GTPBP8: variants seen among roughly 807,000 people sequenced by gnomAD.
The protein encoded by GTPBP8 is GTP binding protein 8.
Under a neutral mutation model 27.3 loss-of-function variants are expected in GTPBP8, and 21 were observed. That is an observed-to-expected ratio of 0.77 (90% CI 0.55 to 1.11). The LOEUF (loss-of-function observed/expected upper bound fraction) is 1.11. Among genes scored for constraint, GTPBP8 ranks in the 50% least tolerant of loss-of-function variants. The pLI is 0.00. For missense variants in GTPBP8, 380 were observed against 350.8 expected, an observed-to-expected ratio of 1.08 and a Z score of -0.67; for synonymous variants, 147 against 135.3, an observed-to-expected ratio of 1.09 and a Z score of -0.60.
chr3:112,993,475 C>A (rs1192411880), intron 2 of GTPBP8, among the ~76,000 whole-genome samples: 1 of 152,116 alleles, frequency 6.6e-6, no homozygotes, highest in Non-Finnish European at 1.5e-5. Context: ...GTTTTTCTTG[C>A]TTTTTTCCTC....
At position 112,991,308 on chromosome 3, in the gene GTPBP8, C is replaced by G. The variant is rs764568051; in HGVS notation, c.309C>G (p.Asp103Glu). ...ACGTCAGCTCCGCCGTCCGTATCGA[C>G]CACGCCCCGGACCTTCCGCGGCCAG... ...IDYVSSAVRIDHAPDLPRPEV... is the reference protein window; with the variant it reads ...IDYVSSAVRIEHAPDLPRPEV... The change falls in exon 1 of 6, where the codon GAC becomes GAG. Residue 103 changes from aspartate (D) to glutamate (E), a missense_variant. By Grantham distance (45) the Asp-to-Glu change is conservative. Coordinates refer to ENST00000383678, the MANE Select transcript of GTPBP8 (RefSeq NM_014170.4). The G allele has an allele frequency of 8.2e-5, 132 of 1,613,710 alleles. No homozygotes were observed. The East Asian group carries it at 2.9e-3, about 35-fold the overall frequency.
In GTPBP8 at chr3:112,993,035, A is replaced by T. The variant is rs748575277; in HGVS notation, c.346A>T (p.Ile116Leu). The T allele has an allele frequency of 6.3e-7, 1 of 1,597,538 alleles. No homozygotes were observed. The highest frequency in any genetic ancestry group is 8.6e-7 in the Non-Finnish European group (1 of 1,165,344). Reference sequence around the variant, plus strand: ...TTTTTTCTTGTATAAGGTGTGTTTTATAGGCAGAAGCAATGTTGGAAAATC... The same window carrying T: ...TTTTTTCTTGTATAAGGTGTGTTTTTTAGGCAGAAGCAATGTTGGAAAATC... ...PDLPRPEVCF[I>L]GRSNVGKSSL... Residue 116 changes from isoleucine (I) to leucine (L), a missense_variant, in exon 2 of 6, where the codon ATA (isoleucine) becomes TTA (leucine). By Grantham distance (5) the Ile-to-Leu change is conservative (BLOSUM62 2). Coordinates refer to ENST00000383678, the MANE Select transcript of GTPBP8 (RefSeq NM_014170.4).
intron 5 of GTPBP8, 56 bp downstream of exon 5, chr3:112,999,620 G>C: frequency 1.4e-6 from 1 of 730,588 alleles, no homozygotes. Context: ...TGAGAATGTT[G>C]TGGGTTTTTT....
At chr3:112,998,029 C>G (rs917956184) in intron 4 of GTPBP8, among the ~76,000 whole-genome samples, 3 of 152,202 alleles carry the variant, frequency 2.0e-5, no homozygotes, top group Non-Finnish European at 2.9e-5. Flanking sequence ...TGAGGAAAGA[C>G]TCCCATTTGC....
Position 112,991,251 on chromosome 3 carries a change from C to G in GTPBP8, c.252C>G (p.Ile84Met), listed in dbSNP as rs1397900316. 5 of 1,614,082 alleles carry G rather than the reference C, an allele frequency of 3.1e-6. No homozygotes were observed. The highest frequency in any genetic ancestry group is 4.2e-6 in the Non-Finnish European group (5 of 1,180,044). ...SPEDIARADN[I>M]FTATERNRID... is the part of the protein sequence containing the mutation. ...AGGACATAGCCAGGGCGGACAACATCTTCACGGCCACTGAACGGAACCGCA... is the reference window on the plus strand; with the variant it reads ...AGGACATAGCCAGGGCGGACAACATGTTCACGGCCACTGAACGGAACCGCA... Residue 84 changes from isoleucine (I) to methionine (M), a missense_variant, in exon 1 of 6, where the codon ATC becomes ATG. Physicochemically the swap from Ile to Met is conservative, Grantham distance 10. Coordinates refer to ENST00000383678, the MANE Select transcript of GTPBP8 (RefSeq NM_014170.4).
chr3:112,996,868 ATCT>A (rs781319333), intron 3 of GTPBP8, 21 bp from the exon 4 acceptor site: 13 of 1,032,582 alleles, frequency 1.3e-5, no homozygotes, highest in African/African-American at 3.1e-5. Context: ...ATTGCCATTA[ATCT>A]TCTTTTCTAC....
chr3:112,999,764 C>T (rs930074930), intron 5 of GTPBP8, among the ~76,000 whole-genome samples, 200 bp downstream of exon 5: 1 of 151,890 alleles, frequency 6.6e-6, no homozygotes, highest in Non-Finnish European at 1.5e-5. Flanking sequence ...TTTTTTCGCT[C>T]ACCCCTCCCA....
rs1359320236 is a variant in GTPBP8 at position 113,001,489 on chromosome 3, T to C, written c.*570T>C. 8 of 152,260 alleles carry C rather than the reference T, an allele frequency of 5.3e-5. No individual in the cohort carries two copies. Among genetic ancestry groups the C allele is most frequent in the Admixed American group, 5.2e-4 (8 of 15,288 alleles). The allele number at this position is 152,260 out of a possible 1,614,324, so 9.4% of individuals were successfully genotyped here. A position where few individuals can be genotyped will look rare whatever the true frequency, so the allele number is the denominator to read the frequency against. ...TTCTAGTTCTGATGTTTATTATATA[T>C]GTTGGATCTTGGGCAACTTACTTGA... On this transcript the variant is annotated 3_prime_UTR_variant, in exon 6 of 6. Transcript: ENST00000383678.
chr3:112,995,753 T>A (rs1576167078), intron 3 of GTPBP8, among the ~76,000 whole-genome samples: 1 of 152,242 alleles, frequency 6.6e-6, no homozygotes, highest in South Asian at 2.1e-4. Context: ...GCCAGGCTGG[T>A]CTCGAACTCC....
chr3:113,000,860 T>G lies in GTPBP8; in HGVS notation c.796T>G (p.Phe266Val). ...CTTTTCTTTTCACAGTGCTGTGACCTTTTCTGGAATCCACCTGTTGAGATG... is the reference window on the plus strand; with the variant it reads ...CTTTTCTTTTCACAGTGCTGTGACCGTTTCTGGAATCCACCTGTTGAGATG... ...PQLFPVSAVT[F>V]SGIHLLRCFI... Residue 266 changes from phenylalanine to valine, a missense_variant, in exon 6 of 6, where the codon TTT (phenylalanine) becomes GTT (valine). Physicochemically the swap from Phe to Val is conservative, Grantham distance 50. Coordinates refer to ENST00000383678, the MANE Select transcript of GTPBP8 (RefSeq NM_014170.4). 1.3e-6 allele frequency: 2 copies of G among 1,594,462 alleles called. No homozygotes were observed. Among genetic ancestry groups the G allele is most frequent in the Non-Finnish European group, 1.7e-6 (2 of 1,163,432 alleles).
At chr3:112,992,378 G>A (rs1335506358) in intron 1 of GTPBP8, 1 of 152,158 alleles carries the variant, frequency 6.6e-6, no homozygotes, top group Non-Finnish European at 1.5e-5. Context: ...GGGGCAGTAC[G>A]GCCGTCATTT....
At chr3:112,992,084 T>C (rs913263931) in intron 1 of GTPBP8, 1 of 152,240 alleles carries the variant, frequency 6.6e-6, no homozygotes, top group African/African-American at 2.4e-5. Context: ...ATTCAAAGAG[T>C]ACCTCAATTA....
chr3:112,991,020 G>C lies in GTPBP8; in HGVS notation c.21G>C (p.Arg7=). The C allele has an allele frequency of 6.3e-7, 1 of 1,596,598 alleles. No homozygotes were observed. Among genetic ancestry groups the C allele is most frequent in the East Asian group, 2.3e-5 (1 of 44,434 alleles). The part of the protein sequence containing the change: MAAPGL[R]LGAGRLFEMP... ...GGAGAATGGCGGCGCCCGGGCTGCG[G>C]CTGGGAGCGGGAAGACTCTTTGAAA... The change falls in exon 1 of 6, where the codon CGG becomes CGC. Residue 7 remains arginine (R), a synonymous_variant. Coordinates refer to ENST00000383678, the MANE Select transcript of GTPBP8 (RefSeq NM_014170.4).
intron 1 of GTPBP8, chr3:112,992,524 G>A (rs1488189): frequency 0.58 from 88,740 of 152,838 alleles, 29,419 homozygotes; most frequent in Non-Finnish European, 0.75. Flanking sequence ...TGGAACAAGA[G>A]AGGTCAAGGG....
At chr3:112,992,810 T>C (rs1933709199) in intron 1 of GTPBP8, among the ~76,000 whole-genome samples, 1 of 152,220 alleles carries the variant, frequency 6.6e-6, no homozygotes, top group Non-Finnish European at 1.5e-5. Context: ...TTGGGTTAGT[T>C]GTGTTCTCTC....
In GTPBP8 at chr3:112,991,192, G is replaced by T; in HGVS notation, c.193G>T (p.Asp65Tyr). ...ERFLAPYGRQ[D>Y]LHLRIFDPSP... ...GTTCCTCGCCCCCTACGGGAGGCAA[G>T]ACCTTCACCTGCGTATCTTTGACCC... is the stretch of plus-strand genomic sequence containing the variant. Residue 65 changes from aspartate to tyrosine, a missense_variant, in exon 1 of 6, where the codon GAC becomes TAC. Physicochemically the swap from Asp to Tyr is radical, Grantham distance 160. Transcript: ENST00000383678. The T allele has an allele frequency of 6.2e-7, 1 of 1,614,190 alleles. No homozygotes were observed. Among genetic ancestry groups the T allele is most frequent in the Non-Finnish European group, 8.5e-7 (1 of 1,180,028 alleles).
chr3:112,996,435 C>T (rs939139528), intron 3 of GTPBP8, among the ~76,000 whole-genome samples: 11 of 152,046 alleles, frequency 7.2e-5, no homozygotes, highest in African/African-American at 2.7e-4. Context: ...CTGCATTCTA[C>T]CCTGGGCAAC....
In GTPBP8 at chr3:112,993,078, T is replaced by C. The variant is rs775278797; in HGVS notation, c.389T>C (p.Leu130Ser). ...NVGKSSLIKA[L>S]FSLAPEVEVR... Reference sequence around the variant, plus strand: ...GGAAAATCATCTCTAATCAAGGCTTTATTTTCACTGGCCCCTGAGGTTGAA... The same window carrying C: ...GGAAAATCATCTCTAATCAAGGCTTCATTTTCACTGGCCCCTGAGGTTGAA... Residue 130 changes from leucine to serine, a missense_variant, in exon 2 of 6, where the codon TTA (leucine) becomes TCA (serine). Coordinates refer to ENST00000383678, the MANE Select transcript of GTPBP8 (RefSeq NM_014170.4). 1.2e-5 allele frequency: 19 copies of C among 1,611,440 alleles called. No individual in the cohort carries two copies. Among genetic ancestry groups the C allele is most frequent in the African/African-American group, 2.7e-5 (2 of 74,862 alleles).
Position 112,996,904 on chromosome 3 carries a change from AT to A in GTPBP8, c.584del (p.Leu195TyrfsTer2). 2 of 1,516,800 alleles carry A rather than the reference AT, an allele frequency of 1.3e-6. No individual in the cohort carries two copies. Among genetic ancestry groups the A allele is most frequent in the Non-Finnish European group, 1.8e-6 (2 of 1,092,558 alleles). 94.0% of individuals were successfully genotyped at this position (1,516,800 alleles called of 1,614,324 possible). A position where few individuals can be genotyped will look rare whatever the true frequency, so the allele number is the denominator to read the frequency against. On this transcript the variant is annotated frameshift_variant, in exon 4 of 6. Transcript: ENST00000383678. LOFTEE classifies it high-confidence loss of function. ...TACATGCTTATAGCTTGAAGAGAAC[AT>A]TTTTATTAGTGGATAGCGTTGTTGG... ...LKERRNLKRTFLLVDSVVGIQ... is the reference protein window; with the variant it reads ...LKERRNLKRTXLLVDSVVGIQ...
Sources: gnomAD v4.1 joint callset for allele counts (sites outside exome capture counted in the v4.1 genomes callset) on GRCh38, gnomAD v4.1.1 for gene constraint, MANE v1.5 for transcripts, NCBI Gene and HGNC (gene_info 2026-07-23, HGNC 2026-07-21) for gene names.